Variants in RGPD3 observed in about 807,000 individuals in gnomAD.
RGPD3 encodes ranBP2-like and GRIP domain-containing protein 3.
RGPD3 carries 62 observed loss-of-function variants against 154.5 expected under a neutral mutation model. The ratio of observed to expected loss-of-function variants is 0.40; its 90% CI spans 0.33 to 0.50. The LOEUF is 0.50. Among genes scored for constraint, RGPD3 ranks in the 20% least tolerant of loss-of-function variants. The pLI, the probability that RGPD3 is intolerant of heterozygous loss-of-function variation, is 0.59. For missense variants in RGPD3, 919 were observed against 1,716.8 expected, an observed-to-expected ratio of 0.54 and a Z score of 8.21; for synonymous variants, 308 against 607.0, an observed-to-expected ratio of 0.51 and a Z score of 7.24.
intron 7 of RGPD3, among the ~76,000 whole-genome samples, chr2:106,444,686 C>T (rs1344016173): frequency 1.4e-5 from 2 of 147,288 alleles, no homozygotes; most frequent in Admixed American, 6.8e-5. Flanking sequence ...TGTAGCCAGG[C>T]ATGGTGGCAG....
intron 17 of RGPD3, among the ~76,000 whole-genome samples, 156 bp downstream of exon 17, chr2:106,432,778 TA>T (rs71272785): frequency 0.037 from 2,804 of 75,900 alleles, 61 homozygotes; most frequent in African/African-American, 0.095. Context: ...GACCCTGCCT[TA>T]AAAAAAAAAA....
At chr2:106,446,304 C>T (rs569144013) in intron 7 of RGPD3, among the ~76,000 whole-genome samples, 54 of 149,136 alleles carry the variant, frequency 3.6e-4, no homozygotes, top group Middle Eastern at 3.6e-3. Flanking sequence ...TGGTGGCTCA[C>T]GCCTGTAAAT....
chr2:106,438,699 T>G (rs536859087), intron 9 of RGPD3, among the ~76,000 whole-genome samples: 1 of 151,960 alleles, frequency 6.6e-6, no homozygotes, highest in East Asian at 2.0e-4. Context: ...GTAGAATTAC[T>G]TGAACCCGGG....
intron 6 of RGPD3, among the ~76,000 whole-genome samples, chr2:106,451,175 A>G (rs897971318): frequency 2.6e-5 from 4 of 151,548 alleles, no homozygotes; most frequent in African/African-American, 7.3e-5. Flanking sequence ...AGAAAAATGT[A>G]AAAGGAACTT....
intron 20 of RGPD3, among the ~76,000 whole-genome samples, chr2:106,420,631 A>G (rs1676952827): frequency 1.3e-5 from 2 of 152,406 alleles, no homozygotes; most frequent in South Asian, 4.1e-4. Context: ...GTAAAATATC[A>G]TTAATTTTTA....
rs1257261483 is a variant in RGPD3, at chr2:106,426,237, C to T, written c.2606-149G>A. On this transcript the variant is annotated intron_variant, in intron 18 of 22. Transcript: ENST00000409886. ...TTAAATTTCTGTACATCAAAATACA[C>T]CAATCAAGATTATCAAATGACAAAC... The T allele has an allele frequency of 5.4e-6, 3 of 557,766 alleles. No homozygotes were observed. In the African/African-American group the frequency reaches 5.8e-5, roughly 11 times the overall value. 34.6% of individuals were successfully genotyped at this position (557,766 alleles called of 1,614,324 possible).
chr2:106,445,238 G>C (rs1198436281), intron 7 of RGPD3, among the ~76,000 whole-genome samples: 1 of 147,132 alleles, frequency 6.8e-6, no homozygotes, highest in African/African-American at 2.5e-5. Context: ...GCAGTGAGCC[G>C]AGGTCGTGCC....
At chr2:106,428,726 G>T (rs1423252961) in intron 18 of RGPD3, among the ~76,000 whole-genome samples, 4 of 151,484 alleles carry the variant, frequency 2.6e-5, no homozygotes, top group Non-Finnish European at 4.4e-5. Flanking sequence ...TACCATTTCA[G>T]AAGTCTGTCG....
intron 1 of RGPD3, among the ~76,000 whole-genome samples, chr2:106,464,541 A>C (rs1272939522): frequency 6.6e-6 from 1 of 151,112 alleles, no homozygotes; most frequent in Non-Finnish European, 1.5e-5. Flanking sequence ...ATGCCCAAAA[A>C]TTTGATGAGC....
chr2:106,410,190 T>TA (rs1676628765), intron 22 of RGPD3, among the ~76,000 whole-genome samples: 1 of 152,078 alleles, frequency 6.6e-6, no homozygotes, highest in Non-Finnish European at 1.5e-5. Context: ...TTCTCTCTCT[T>TA]AAAGAGAAAA....
chr2:106,441,981 A>G (rs377146828), intron 7 of RGPD3, among the ~76,000 whole-genome samples: 12,331 of 139,822 alleles, frequency 0.088, 549 homozygotes, highest in Middle Eastern at 0.15. Context: ...AGAGTTCAAG[A>G]CCAGCCTGAA....
chr2:106,421,373 C>G (rs1676981562), intron 20 of RGPD3, among the ~76,000 whole-genome samples: 1 of 151,992 alleles, frequency 6.6e-6, no homozygotes, highest in Non-Finnish European at 1.5e-5. Flanking sequence ...TAACACTTTT[C>G]ACATTTCTCA....
rs1417003555 is a variant in RGPD3 at position 106,448,356 on chromosome 2, C to T, written c.783-743G>A. ...CGAACTCCTGACCTCACGATCCGCC[C>T]GCCTCAGCTTACCAATGTGCCGGGA... On this transcript the variant is annotated intron_variant, in intron 6 of 22. Coordinates refer to ENST00000409886, the MANE Select transcript of RGPD3 (RefSeq NM_001144013.2). Among the ~76,000 whole-genome samples the T allele has an allele frequency of 1.3e-4, 20 of 152,288 alleles. No homozygotes were observed. The East Asian group carries it at 1.7e-3, about 13-fold the overall frequency.
In RGPD3 at chr2:106,405,204, A is replaced by C; in HGVS notation, c.*15T>G. The C allele has an allele frequency of 6.2e-7, 1 of 1,610,384 alleles. No individual in the cohort carries two copies. Among genetic ancestry groups the C allele is most frequent in the South Asian group, 1.1e-5 (1 of 89,956 alleles). ...TACGAAGATAGGATGCCCATCCAGAAGAACGGGAAGCATTTTATTCCTCAC... is the reference window on the plus strand; with the variant it reads ...TACGAAGATAGGATGCCCATCCAGACGAACGGGAAGCATTTTATTCCTCAC... On this transcript the variant is annotated 3_prime_UTR_variant, in exon 23 of 23. Coordinates refer to ENST00000409886, the MANE Select transcript of RGPD3 (RefSeq NM_001144013.2).
chr2:106,465,451 G>C (rs1284849601), intron 1 of RGPD3, among the ~76,000 whole-genome samples: 1 of 151,930 alleles, frequency 6.6e-6, no homozygotes, highest in African/African-American at 2.4e-5. Flanking sequence ...TTATTTAATG[G>C]AGAAGTTATG....
chr2:106,424,376 T>C lies in RGPD3; in HGVS notation c.3591A>G (p.Glu1197=). ...TGAAATCTTTCAGTCCACTCTTCAT[T>C]TCTTCAGCTCTCTGTATTAACTTGG... The part of the protein sequence containing the change: ...RAAKLIQRAE[E]MKSGLKDFKT... Residue 1197 remains glutamate (E), a synonymous_variant, in exon 20 of 23, where the codon GAA becomes GAG. Transcript: ENST00000409886. The C allele has an allele frequency of 6.2e-7, 1 of 1,611,624 alleles. No individual in the cohort carries two copies.
chr2:106,424,027 T>C lies in RGPD3; in HGVS notation c.3940A>G (p.Thr1314Ala), dbSNP rs1242074014. 1 of 1,611,558 alleles carries C rather than the reference T, an allele frequency of 6.2e-7. No individual in the cohort carries two copies. Among genetic ancestry groups the C allele is most frequent in the African/African-American group, 1.3e-5 (1 of 74,754 alleles). The change falls in exon 20 of 23, where the codon ACT becomes GCT. Residue 1314 changes from threonine to alanine, a missense_variant. Coordinates refer to ENST00000409886, the MANE Select transcript of RGPD3 (RefSeq NM_001144013.2). ...GATTCTTCATCAGTGCCAACTGAAGTCCCACTCTGATTCAACTTGGCAGGA... is the reference window on the plus strand; with the variant it reads ...GATTCTTCATCAGTGCCAACTGAAGCCCCACTCTGATTCAACTTGGCAGGA... ...KSPAKLNQSG[T>A]SVGTDEESDV...
Position 106,468,378 on chromosome 2 carries a change from A to G in RGPD3, c.-90T>C. On this transcript the variant is annotated 5_prime_UTR_variant, in exon 1 of 23. Coordinates refer to ENST00000409886, the MANE Select transcript of RGPD3 (RefSeq NM_001144013.2). ...TCCAAGAGGAAAGCGCCTGAAAGCC[A>G]CTGAGGCAGCGGCGTAGCCGGCGGA... 1 of 1,544,504 alleles carries G rather than the reference A, an allele frequency of 6.5e-7. No homozygotes were observed. Among genetic ancestry groups the G allele is most frequent in the African/African-American group, 1.4e-5 (1 of 72,846 alleles).
chr2:106,442,445 G>A (rs568029388), intron 7 of RGPD3, among the ~76,000 whole-genome samples: 29 of 128,614 alleles, frequency 2.3e-4, no homozygotes, highest in African/African-American at 6.2e-4. Flanking sequence ...GGATAGCACT[G>A]GAATAAATGG....
Sources: allele counts gnomAD v4.1 joint callset (sites outside exome capture counted in the v4.1 genomes callset), GRCh38; gene constraint gnomAD v4.1.1; transcripts MANE v1.5; gene names NCBI Gene and HGNC (gene_info 2026-07-23, HGNC 2026-07-21).